Variants in ARSB observed in about 807,000 individuals in gnomAD.
The protein encoded by ARSB is N-acetylgalactosamine-4-sulfatase.
ARSB carries 41 observed loss-of-function variants against 50.9 expected under a neutral mutation model. The ratio of observed to expected loss-of-function variants is 0.81; its 90% CI spans 0.63 to 1.04. The LOEUF (loss-of-function observed/expected upper bound fraction) is 1.04, where lower values mean the gene tolerates loss of function less well. Among genes scored for constraint, ARSB ranks in the 50% least tolerant of loss-of-function variants. ARSB has a pLI of 0.00. For missense variants in ARSB, 672 were observed against 693.3 expected (o/e 0.97, Z 0.35); for synonymous variants, 269 against 284.8 (o/e 0.94, Z 0.56).
chr5:78,859,949 GC>G (rs1351230107), intron 5 of ARSB, among the ~76,000 whole-genome samples: 2 of 152,128 alleles, frequency 1.3e-5, no homozygotes, highest in African/African-American at 2.4e-5. Context: ...TAGGATAGAA[GC>G]CCTTTTATCC....
chr5:78,850,542 T>C (rs900321623), intron 5 of ARSB, among the ~76,000 whole-genome samples: 24 of 152,062 alleles, frequency 1.6e-4, no homozygotes, highest in African/African-American at 5.3e-4. Flanking sequence ...TGTCTCTGCC[T>C]GGCTTTGGTA....
intron 5 of ARSB, among the ~76,000 whole-genome samples, chr5:78,873,717 G>A (rs949397789): frequency 2.0e-5 from 3 of 151,422 alleles, no homozygotes; most frequent in Admixed American, 6.6e-5. Context: ...GGATGGTCTC[G>A]ATCTCCTGAC....
At chr5:78,826,017 T>C (rs968097001) in intron 6 of ARSB, among the ~76,000 whole-genome samples, 17 of 151,988 alleles carry the variant, frequency 1.1e-4, no homozygotes, top group Non-Finnish European at 2.4e-4. Flanking sequence ...TTTTTAAAGG[T>C]TAAAAAAGTT....
At chr5:78,869,825 GA>G (rs1483424482) in intron 5 of ARSB, among the ~76,000 whole-genome samples, 1 of 146,578 alleles carries the variant, frequency 6.8e-6, no homozygotes, top group East Asian at 2.0e-4. Flanking sequence ...GAGCAGAACT[GA>G]AGGAAATAGA....
chr5:78,931,933 C>T (rs1201912682), intron 4 of ARSB, among the ~76,000 whole-genome samples: 3 of 152,048 alleles, frequency 2.0e-5, no homozygotes, highest in Non-Finnish European at 4.4e-5. Flanking sequence ...CTCTCTCCTG[C>T]CACCATGTAA....
intron 5 of ARSB, among the ~76,000 whole-genome samples, chr5:78,839,726 A>G (rs1404822052): frequency 6.6e-6 from 1 of 152,208 alleles, no homozygotes; most frequent in Non-Finnish European, 1.5e-5. Flanking sequence ...ACCATTTTTT[A>G]CACCAGAGAA....
chr5:78,951,014 A>G (rs56041189), intron 4 of ARSB, among the ~76,000 whole-genome samples: 21,610 of 152,202 alleles, frequency 0.14, 1,758 homozygotes, highest in Middle Eastern at 0.23. Flanking sequence ...TGATTAGGTT[A>G]ATTGGGTTTT....
chr5:78,836,742 G>A (rs1049632714), intron 6 of ARSB, among the ~76,000 whole-genome samples: 1 of 152,190 alleles, frequency 6.6e-6, no homozygotes, highest in African/African-American at 2.4e-5. Context: ...TGTGGTGATA[G>A]TGTATTCGTC....
intron 7 of ARSB, among the ~76,000 whole-genome samples, chr5:78,781,147 CCCAGCTATA>C (rs2112618124): frequency 6.6e-6 from 1 of 152,256 alleles, no homozygotes; most frequent in Non-Finnish European, 1.5e-5. Context: ...AACCTCCTTC[CCCAGCTATA>C]CCACTGGTTG....
intron 4 of ARSB, among the ~76,000 whole-genome samples, chr5:78,920,908 A>C (rs1749782113): frequency 6.6e-6 from 1 of 152,078 alleles, no homozygotes; most frequent in South Asian, 2.1e-4. Context: ...TTAGAAGCCC[A>C]TGCTATCAGA....
At chr5:78,872,227 A>T (rs1747232791) in intron 5 of ARSB, among the ~76,000 whole-genome samples, 2 of 151,218 alleles carry the variant, frequency 1.3e-5, no homozygotes, top group African/African-American at 4.8e-5. Flanking sequence ...GGGACTGTAA[A>T]CTAGTTCAAC....
At position 78,781,880 on chromosome 5, in the gene ARSB, T is replaced by G. The variant is rs753899382; in HGVS notation, c.1308A>C (p.Gly436=). 1.2e-6 allele frequency: 2 copies of G among 1,614,126 alleles called. No homozygotes were observed. The highest frequency in any genetic ancestry group is 3.3e-5 in the Admixed American group (2 of 60,008). Residue 436 remains glycine, a synonymous_variant, in exon 7 of 8, where the codon GGA becomes GGC. Transcript: ENST00000264914. ...NTSVHAAIRH[G]NWKLLTGYPG... is the part of the protein sequence containing the mutation. The stretch of plus-strand genomic sequence containing the variant: ...GGTAGCCCGTGAGGAGTTTCCAATT[T>G]CCATGTCTAATTGCAGCATGGACAG...
At chr5:78,787,681 T>C (rs1749129367) in intron 6 of ARSB, among the ~76,000 whole-genome samples, 1 of 152,166 alleles carries the variant, frequency 6.6e-6, no homozygotes, top group Admixed American at 6.5e-5. Flanking sequence ...GTTTGGTGAT[T>C]GAGAGAATAC....
intron 2 of ARSB, among the ~76,000 whole-genome samples, chr5:78,964,989 T>C (rs1278306315): frequency 6.6e-6 from 1 of 152,180 alleles, no homozygotes; most frequent in Non-Finnish European, 1.5e-5. Flanking sequence ...ATCACATAAA[T>C]GAGTGCAGGA....
intron 5 of ARSB, among the ~76,000 whole-genome samples, chr5:78,870,121 T>C (rs978106145): frequency 4.9e-5 from 7 of 141,844 alleles, no homozygotes; most frequent in South Asian, 2.4e-4. Flanking sequence ...CAGGAAGAAG[T>C]TGAATCTCTG....
At chr5:78,908,868 T>A (rs553023173) in intron 4 of ARSB, among the ~76,000 whole-genome samples, 1 of 152,100 alleles carries the variant, frequency 6.6e-6, no homozygotes, top group African/African-American at 2.4e-5. Context: ...TTTTAACTCA[T>A]TGGGGGCCTT....
chr5:78,953,071 C>CT (rs1769582586), intron 4 of ARSB, among the ~76,000 whole-genome samples: 1 of 152,030 alleles, frequency 6.6e-6, no homozygotes, highest in Non-Finnish European at 1.5e-5. Flanking sequence ...ATATGTCTAC[C>CT]TTTTTTTTCT....
At chr5:78,911,231 A>G (rs1749292444) in intron 4 of ARSB, among the ~76,000 whole-genome samples, 1 of 152,098 alleles carries the variant, frequency 6.6e-6, no homozygotes, top group Admixed American at 6.5e-5. Context: ...ATGAAAAGGT[A>G]TGTCAAAGGG....
intron 4 of ARSB, among the ~76,000 whole-genome samples, chr5:78,894,308 T>C (rs554840960): frequency 6.6e-6 from 1 of 152,374 alleles, no homozygotes; most frequent in East Asian, 1.9e-4. Context: ...GCACATTCTA[T>C]CTGGGCAGAC....
Sources: allele counts gnomAD v4.1 joint callset (sites outside exome capture counted in the v4.1 genomes callset), GRCh38; gene constraint gnomAD v4.1.1; transcripts MANE v1.5; gene names NCBI Gene and HGNC (gene_info 2026-07-23, HGNC 2026-07-21).